USP45: variants seen among roughly 807,000 people sequenced by gnomAD.
USP45 encodes the protein ubiquitin specific peptidase 45, also known as ubiquitin carboxyl-terminal hydrolase 45.
A neutral mutation model predicts 95.8 loss-of-function variants in USP45; 89 were observed. The ratio of observed to expected loss-of-function variants is 0.93; its 90% CI spans 0.78 to 1.11. The LOEUF (loss-of-function observed/expected upper bound fraction) is 1.11, where lower values mean the gene tolerates loss of function less well. Ranked by LOEUF, USP45 falls within the 50% of genes least tolerant of loss-of-function variation. The pLI, the probability that USP45 is intolerant of heterozygous loss-of-function variation, is 0.00. For synonymous variants in USP45, 281 were observed against 316.2 expected, an observed-to-expected ratio of 0.89 and a Z score of 1.18; for missense variants, 898 against 942.5, an observed-to-expected ratio of 0.95 and a Z score of 0.62.
At chr6:99,503,651 CA>C (rs1797882255) in intron 5 of USP45, 113 bp downstream of exon 5, 2 of 712,268 alleles carry the variant, frequency 2.8e-6, no homozygotes, top group South Asian at 4.9e-5. Context: ...TATCTTTATT[CA>C]AATTATTGGC....
At chr6:99,503,251 G>A (rs1056171718) in intron 5 of USP45, among the ~76,000 whole-genome samples, 5 of 151,920 alleles carry the variant, frequency 3.3e-5, no homozygotes, top group Admixed American at 1.3e-4. Context: ...GTCTAGACAC[G>A]ACATACTTCA....
intron 5 of USP45, among the ~76,000 whole-genome samples, chr6:99,494,317 G>A (rs1421839345): frequency 1.3e-5 from 2 of 152,004 alleles, no homozygotes; most frequent in Non-Finnish European, 2.9e-5. Flanking sequence ...CACACTTTCG[G>A]CACTTTAAAG....
chr6:99,514,089 C>A (rs1039058487), intron 1 of USP45, among the ~76,000 whole-genome samples: 1 of 152,154 alleles, frequency 6.6e-6, no homozygotes, highest in Non-Finnish European at 1.5e-5. Flanking sequence ...GTGATCTCCC[C>A]CACATTTAGA....
intron 14 of USP45, 106 bp downstream of exon 14, chr6:99,445,691 T>A: frequency 1.2e-6 from 1 of 839,830 alleles, no homozygotes; most frequent in Non-Finnish European, 1.8e-6. Flanking sequence ...TCTGCCTAAG[T>A]AACACAAGTA....
Position 99,437,384 on chromosome 6 carries a change from C to G in USP45, c.2176G>C (p.Asp726His). The part of the protein sequence containing the change: ...SATCKNASVG[D>H]KVLYGLYGIV... ...CCATAGAGACCGTAGAGAACTTTAT[C>G]TCCCACACTTGCATTCTTTTAAACA... Residue 726 changes from aspartate (D) to histidine (H), a missense_variant, in exon 17 of 18, where the codon GAT becomes CAT. By Grantham distance (81) the Asp-to-His change is moderately conservative. Transcript: ENST00000500704. 4.4e-6 allele frequency: 7 copies of G among 1,595,046 alleles called. No homozygotes were observed. The highest frequency in any genetic ancestry group is 6.0e-6 in the Non-Finnish European group (7 of 1,175,036).
intron 4 of USP45, among the ~76,000 whole-genome samples, 158 bp from the exon 5 acceptor site, chr6:99,504,023 G>C (rs2128789157): frequency 6.6e-6 from 1 of 152,314 alleles, no homozygotes; most frequent in Non-Finnish European, 1.5e-5. Flanking sequence ...AATAAGCAGA[G>C]GACAATTCAT....
intron 13 of USP45, among the ~76,000 whole-genome samples, chr6:99,459,922 AT>A (rs1165139950): frequency 6.6e-6 from 1 of 152,182 alleles, no homozygotes; most frequent in Non-Finnish European, 1.5e-5. Flanking sequence ...AGATGGCTAC[AT>A]GATAATTCCC....
At chr6:99,498,867 G>A (rs1796831457) in intron 5 of USP45, among the ~76,000 whole-genome samples, 1 of 152,166 alleles carries the variant, frequency 6.6e-6, no homozygotes, top group African/African-American at 2.4e-5. Flanking sequence ...ATGCAAGACA[G>A]TGCCACTCAT....
intron 8 of USP45, among the ~76,000 whole-genome samples, chr6:99,479,163 TACACACACACAC>T: frequency 6.9e-6 from 1 of 144,536 alleles, no homozygotes; most frequent in Admixed American, 6.9e-5. Context: ...TATACATATA[TACACACACACAC>T]ACACACACAC....
At chr6:99,452,517 T>G (rs1784115517) in intron 13 of USP45, among the ~76,000 whole-genome samples, 1 of 152,102 alleles carries the variant, frequency 6.6e-6, no homozygotes, top group Non-Finnish European at 1.5e-5. Context: ...CATTAAAAAG[T>G]CAGGAAACAA....
intron 5 of USP45, among the ~76,000 whole-genome samples, chr6:99,500,603 T>G (rs1317223649): frequency 1.3e-5 from 2 of 152,310 alleles, no homozygotes; most frequent in East Asian, 3.9e-4. Context: ...TGTACTTTCA[T>G]CACCCATGCC....
At chr6:99,447,541 G>A (rs893118000) in intron 13 of USP45, among the ~76,000 whole-genome samples, 7 of 152,104 alleles carry the variant, frequency 4.6e-5, no homozygotes, top group South Asian at 4.1e-4. Flanking sequence ...CAAAGCGGCC[G>A]GCCAGGAAGC....
chr6:99,468,438 T>A, intron 10 of USP45, 99 bp downstream of exon 10: 2 of 788,208 alleles, frequency 2.5e-6, no homozygotes, highest in Non-Finnish European at 4.1e-6. Context: ...AGCCACTACT[T>A]TGGTGGATTA....
rs190881161 is a variant in USP45, at chr6:99,450,210, A to C, written c.1309-3747T>G. Among the ~76,000 whole-genome samples, 188 of 152,096 alleles carry C rather than the reference A, an allele frequency of 1.2e-3. 2 individuals carry two copies. Among genetic ancestry groups the C allele is most frequent in the African/African-American group, 4.4e-3 (183 of 41,488 alleles). ...CAGAACTGAAAGAGATAGAGACACAAAAAAAAACCCTTCAAAAAATCAATG... is the reference window on the plus strand; with the variant it reads ...CAGAACTGAAAGAGATAGAGACACACAAAAAAACCCTTCAAAAAATCAATG... On this transcript the variant is annotated intron_variant, in intron 13 of 17. Coordinates refer to ENST00000500704, the MANE Select transcript of USP45 (RefSeq NM_001346022.3).
intron 14 of USP45, among the ~76,000 whole-genome samples, chr6:99,445,551 TA>T (rs1176298002): frequency 6.6e-6 from 1 of 151,644 alleles, no homozygotes; most frequent in African/African-American, 2.4e-5. Context: ...TTCCCTCAAA[TA>T]AGATTATATG....
chr6:99,437,446 C>T (rs1490608110), intron 16 of USP45, 47 bp from the exon 17 acceptor site: 1 of 1,524,748 alleles, frequency 6.6e-7, no homozygotes, highest in Non-Finnish European at 8.8e-7. Context: ...TTGTTAAATA[C>T]TGTTTTAAGG....
At chr6:99,507,662 A>G in intron 3 of USP45, 131 bp from the exon 4 acceptor site, 1 of 606,564 alleles carries the variant, frequency 1.6e-6, no homozygotes, top group Non-Finnish European at 2.9e-6. Flanking sequence ...GAAAGTTTCA[A>G]AAAAGTAATA....
At chr6:99,484,027 A>ATTTTT (rs1295214435) in intron 7 of USP45, among the ~76,000 whole-genome samples, 1 of 8,624 alleles carries the variant, frequency 1.2e-4, no homozygotes, top group Non-Finnish European at 1.8e-4. Flanking sequence ...TTTTTTTTTA[A>ATTTTT]AGAGACAGGG....
At chr6:99,438,833 A>T (rs1015371136) in intron 16 of USP45, among the ~76,000 whole-genome samples, 6 of 152,160 alleles carry the variant, frequency 3.9e-5, no homozygotes, top group Non-Finnish European at 8.8e-5. Context: ...CATGGATGTA[A>T]GGTTTTAGGG....
Sources: gnomAD v4.1 joint callset for allele counts (sites outside exome capture counted in the v4.1 genomes callset) on GRCh38, gnomAD v4.1.1 for gene constraint, MANE v1.5 for transcripts, NCBI Gene and HGNC (gene_info 2026-07-23, HGNC 2026-07-21) for gene names.